Variants in OR10J1 observed in about 807,000 individuals in gnomAD.
OR10J1 encodes olfactory receptor family 10 subfamily J member 1.
For synonymous variants in OR10J1, 202 were observed against 143.8 expected, an observed-to-expected ratio of 1.40 and a Z score of -2.89; for missense variants, 474 against 376.6, an observed-to-expected ratio of 1.26 and a Z score of -2.14.
At chr1:159,413,708 A>G in the OR10J1 span, among the ~76,000 whole-genome samples, 1 of 128,062 alleles carries the variant, frequency 7.8e-6, no homozygotes, top group Non-Finnish European at 1.7e-5. Flanking sequence ...GGGAGGGGGG[A>G]GGGATAGCAT....
At position 159,440,247 on chromosome 1, in the gene OR10J1, G is replaced by T. The variant is rs185879913; in HGVS notation, c.456G>T (p.Gly152=). 21 of 1,614,022 alleles carry T rather than the reference G, an allele frequency of 1.3e-5. No individual in the cohort carries two copies. In the Admixed American group the frequency reaches 1.7e-4, roughly 13 times the overall value. Residue 152 remains glycine (G), a synonymous_variant, in exon 1 of 1, where the codon GGG becomes GGT. Coordinates refer to ENST00000423932, the MANE Select transcript of OR10J1 (RefSeq NM_012351.3). ...IQLVLGACSI[G]LIVAITQVTS... ...TTGTCCTGGGGGCCTGCAGCATTGG[G>T]CTGATTGTAGCAATAACGCAAGTGA...
chr1:159,417,556 T>C, the OR10J1 span, among the ~76,000 whole-genome samples: 2 of 152,218 alleles, frequency 1.3e-5, no homozygotes, highest in Non-Finnish European at 2.9e-5. Flanking sequence ...ATGTAAGACA[T>C]GCCTTTCACT....
chr1:159,430,680 CAT>C, the OR10J1 span, among the ~76,000 whole-genome samples: 2 of 113,242 alleles, frequency 1.8e-5, no homozygotes, highest in African/African-American at 2.7e-5. Context: ...CGCGCGCGCA[CAT>C]GTTTGGGTGG....
upstream of OR10J1, among the ~76,000 whole-genome samples, chr1:159,434,649 C>T (rs1039450113): frequency 1.3e-5 from 2 of 152,040 alleles, no homozygotes; most frequent in African/African-American, 4.8e-5. Flanking sequence ...GCATGCATTC[C>T]CAATCATAGA....
chr1:159,430,702 C>A, the OR10J1 span, among the ~76,000 whole-genome samples: 1 of 140,914 alleles, frequency 7.1e-6, no homozygotes, highest in African/African-American at 2.6e-5. Context: ...GCCAAGCATA[C>A]AAATGGAACC....
chr1:159,406,867 G>A, the OR10J1 span, among the ~76,000 whole-genome samples: 1 of 152,124 alleles, frequency 6.6e-6, no homozygotes, highest in Non-Finnish European at 1.5e-5. Context: ...CCCAGATCAA[G>A]CATTCTTCCC....
At chr1:159,401,496 C>A in the OR10J1 span, among the ~76,000 whole-genome samples, 1 of 151,724 alleles carries the variant, frequency 6.6e-6, no homozygotes, top group Non-Finnish European at 1.5e-5. Context: ...AATTGGAAAA[C>A]CTAGAAGAAA....
the OR10J1 span, among the ~76,000 whole-genome samples, chr1:159,418,807 G>A: frequency 1.3e-5 from 2 of 152,224 alleles, no homozygotes; most frequent in Admixed American, 1.3e-4. Context: ...AAAACAGCTA[G>A]AAGGGAGGTT....
At chr1:159,428,466 C>A in the OR10J1 span, among the ~76,000 whole-genome samples, 1 of 152,026 alleles carries the variant, frequency 6.6e-6, no homozygotes, top group African/African-American at 2.4e-5. Context: ...TTTCTAATTT[C>A]AAAGAGCTAC....
upstream of OR10J1, among the ~76,000 whole-genome samples, chr1:159,433,956 G>C (rs1163740017): frequency 6.6e-6 from 1 of 152,110 alleles, no homozygotes; most frequent in Non-Finnish European, 1.5e-5. Context: ...TACATTAGAA[G>C]GTAGCTCTTC....
the OR10J1 span, among the ~76,000 whole-genome samples, chr1:159,414,385 C>G: frequency 6.6e-6 from 1 of 151,974 alleles, no homozygotes; most frequent in African/African-American, 2.4e-5. Context: ...ACTTAATGAC[C>G]TCCAGTTCCA....
chr1:159,436,528 T>C (rs1410396793), upstream of OR10J1, among the ~76,000 whole-genome samples: 1 of 152,116 alleles, frequency 6.6e-6, no homozygotes, highest in African/African-American at 2.4e-5. Context: ...CTTCCTCTTT[T>C]TGCCAACTTC....
Position 159,440,724 on chromosome 1 carries a change from A to G in OR10J1, c.*3A>G. 6.2e-7 allele frequency: 1 copy of G among 1,605,854 alleles called. No homozygotes were observed. The highest frequency in any genetic ancestry group is 8.5e-7 in the Non-Finnish European group (1 of 1,174,102). On this transcript the variant is annotated 3_prime_UTR_variant, in exon 1 of 1. Coordinates refer to ENST00000423932, the MANE Select transcript of OR10J1 (RefSeq NM_012351.3). ...CTGTTGGTGGGAAGTTTTCCTGACC[A>G]TGTAGGAAGAGTTCTCCTGAGGCTG...
the OR10J1 span, among the ~76,000 whole-genome samples, chr1:159,419,356 C>T: frequency 6.6e-6 from 1 of 152,120 alleles, no homozygotes; most frequent in Non-Finnish European, 1.5e-5. Context: ...GGGGGTGGGT[C>T]TTTCCCATGC....
At chr1:159,417,211 C>T in the OR10J1 span, among the ~76,000 whole-genome samples, 2 of 151,576 alleles carry the variant, frequency 1.3e-5, no homozygotes, top group South Asian at 2.1e-4. Flanking sequence ...TATAAAATTC[C>T]CTCTTAGCAC....
At chr1:159,438,164 C>A (rs1655794281), upstream of OR10J1, 1 of 152,228 alleles carries the variant, frequency 6.6e-6, no homozygotes, top group South Asian at 2.1e-4. Flanking sequence ...TATATTTGCT[C>A]TTCCTTCCAT....
At chr1:159,420,978 C>A in the OR10J1 span, among the ~76,000 whole-genome samples, 1 of 152,088 alleles carries the variant, frequency 6.6e-6, no homozygotes, top group African/African-American at 2.4e-5. Context: ...TCTATTATTT[C>A]ATTAAATAGG....
At chr1:159,426,239 G>C in the OR10J1 span, among the ~76,000 whole-genome samples, 343 of 151,902 alleles carry the variant, frequency 2.3e-3, 17 homozygotes, top group East Asian at 0.061. Flanking sequence ...AATGGATTAA[G>C]CTAATTAATG....
At chr1:159,413,627 G>A in the OR10J1 span, among the ~76,000 whole-genome samples, 6 of 149,428 alleles carry the variant, frequency 4.0e-5, no homozygotes, top group African/African-American at 7.4e-5. Flanking sequence ...CTCATAGGTC[G>A]GAATTGAACA....
Sources: allele counts gnomAD v4.1 joint callset (sites outside exome capture counted in the v4.1 genomes callset), GRCh38; gene constraint gnomAD v4.1.1; transcripts MANE v1.5; gene names NCBI Gene and HGNC (gene_info 2026-07-23, HGNC 2026-07-21).